The following NKAIN3 variants were observed in gnomAD, a reference collection of about 807,000 sequenced individuals.
NKAIN3 encodes sodium/potassium transporting ATPase interacting 3, also known as sodium/potassium-transporting ATPase subunit beta-1-interacting protein 3.
A neutral mutation model predicts 30.2 loss-of-function variants in NKAIN3; 25 were observed. That is an observed-to-expected ratio of 0.83 (90% CI 0.60 to 1.16). The LOEUF (loss-of-function observed/expected upper bound fraction) is 1.16, where lower values mean the gene tolerates loss of function less well. Ranked by LOEUF, NKAIN3 falls within the 50% of genes most tolerant of loss-of-function variation. The probability of loss-of-function intolerance (pLI) is 0.00; values close to 1 mark genes in which losing one functional copy is unlikely to be tolerated. For synonymous variants in NKAIN3, 91 were observed against 89.6 expected (o/e 1.02, Z -0.09); for missense variants, 225 against 254.1 (o/e 0.89, Z 0.78).
chr8:62,694,875 C>A (rs1472741115), intron 3 of NKAIN3, among the ~76,000 whole-genome samples: 1 of 152,214 alleles, frequency 6.6e-6, no homozygotes, highest in Admixed American at 6.5e-5. Flanking sequence ...ACCAAACTCT[C>A]TGGTCAATCC....
intron 1 of NKAIN3, among the ~76,000 whole-genome samples, chr8:62,406,328 A>T (rs778296256): frequency 1.3e-5 from 2 of 152,202 alleles, no homozygotes; most frequent in African/African-American, 2.4e-5. Context: ...AATATGAACT[A>T]TGTATGTAAG....
intron 1 of NKAIN3, among the ~76,000 whole-genome samples, chr8:62,506,246 T>C (rs1807634735): frequency 6.6e-6 from 1 of 151,332 alleles, no homozygotes; most frequent in Non-Finnish European, 1.5e-5. Flanking sequence ...GGGACATTAT[T>C]TCACCTGCCA....
At chr8:62,667,374 TAA>T (rs1385685821) in intron 3 of NKAIN3, among the ~76,000 whole-genome samples, 2 of 140,308 alleles carry the variant, frequency 1.4e-5, no homozygotes, top group South Asian at 2.2e-4. Flanking sequence ...TATATATATA[TAA>T]ATATATATAT....
chr8:62,887,466 C>T (rs532635168), intron 4 of NKAIN3, among the ~76,000 whole-genome samples: 1 of 152,146 alleles, frequency 6.6e-6, no homozygotes, highest in Non-Finnish European at 1.5e-5. Flanking sequence ...GCTCCTTTCT[C>T]TCTTTTTTCT....
chr8:62,484,197 G>T (rs35622860), intron 1 of NKAIN3, among the ~76,000 whole-genome samples: 15,844 of 152,060 alleles, frequency 0.1, 873 homozygotes, highest in East Asian at 0.13. Context: ...CTCATCTCTT[G>T]TCACCTCTCA....
intron 1 of NKAIN3, among the ~76,000 whole-genome samples, chr8:62,428,693 GTTAT>G (rs753192164): frequency 1.2e-4 from 18 of 151,922 alleles, no homozygotes; most frequent in Admixed American, 5.9e-4. Flanking sequence ...TTAAAATCAT[GTTAT>G]TTGTTTATTT....
chr8:62,731,262 C>CAG (rs1333198860), intron 3 of NKAIN3, among the ~76,000 whole-genome samples: 3 of 151,842 alleles, frequency 2.0e-5, no homozygotes, highest in Non-Finnish European at 4.4e-5. Flanking sequence ...CACACACACA[C>CAG]ACACACACAC....
At chr8:62,299,826 G>A (rs1813981967) in intron 1 of NKAIN3, among the ~76,000 whole-genome samples, 1 of 152,026 alleles carries the variant, frequency 6.6e-6, no homozygotes, top group Admixed American at 6.6e-5. Flanking sequence ...TATTTTTATT[G>A]CTTTTGTCAC....
At chr8:62,800,556 A>T (rs1818021552) in intron 4 of NKAIN3, among the ~76,000 whole-genome samples, 1 of 152,192 alleles carries the variant, frequency 6.6e-6, no homozygotes, top group African/African-American at 2.4e-5. Flanking sequence ...TGCACCTTCC[A>T]GGGATTTTCT....
At chr8:62,797,351 G>T (rs1232887048) in intron 4 of NKAIN3, among the ~76,000 whole-genome samples, 1 of 152,122 alleles carries the variant, frequency 6.6e-6, no homozygotes, top group Non-Finnish European at 1.5e-5. Context: ...TTAGCAGCAG[G>T]CACTTTTGGA....
chr8:62,589,639 T>C, intron 2 of NKAIN3, 75 bp from the exon 3 acceptor site: 1 of 627,408 alleles, frequency 1.6e-6, no homozygotes, highest in Non-Finnish European at 2.9e-6. Flanking sequence ...ACATTTTTAT[T>C]ATTGATTTAT....
rs577864817 is a variant in NKAIN3, at chr8:62,506,210, G to A, written c.55-73329G>A. Among the ~76,000 whole-genome samples, 6 of 130,200 alleles carry A rather than the reference G, an allele frequency of 4.6e-5. No individual in the cohort carries two copies. The East Asian group carries it at 1.5e-3, about 33-fold the overall frequency. The allele number at this position is 130,200 out of a possible 152,430, so 85.4% of individuals were successfully genotyped here. ...CATATAATATATTTACAGGTTTCAGGGATCCATATGAGAATATTGGGGGGG... is the reference window on the plus strand; with the variant it reads ...CATATAATATATTTACAGGTTTCAGAGATCCATATGAGAATATTGGGGGGG... On this transcript the variant is annotated intron_variant, in intron 1 of 6. Coordinates refer to ENST00000623646, the MANE Select transcript of NKAIN3 (RefSeq NM_001304533.3).
At chr8:62,676,228 T>A (rs1813470715) in intron 3 of NKAIN3, among the ~76,000 whole-genome samples, 1 of 152,206 alleles carries the variant, frequency 6.6e-6, no homozygotes, top group African/African-American at 2.4e-5. Context: ...CAGATCTGTC[T>A]GACTCCAAAG....
intron 4 of NKAIN3, among the ~76,000 whole-genome samples, chr8:62,797,257 G>T (rs1013052030): frequency 1.3e-5 from 2 of 152,148 alleles, no homozygotes; most frequent in East Asian, 1.9e-4. Flanking sequence ...GGGCTCTCTT[G>T]TTCACCCAAA....
chr8:62,458,536 T>G (rs1252921641), intron 1 of NKAIN3, among the ~76,000 whole-genome samples: 2 of 152,206 alleles, frequency 1.3e-5, no homozygotes, highest in African/African-American at 4.8e-5. Flanking sequence ...TGTGAAGGCC[T>G]GGAAGAATGC....
intron 6 of NKAIN3, among the ~76,000 whole-genome samples, chr8:62,963,501 C>T (rs182124381): frequency 6.6e-6 from 1 of 152,314 alleles, no homozygotes; most frequent in East Asian, 1.9e-4. Flanking sequence ...CAAACCCTCA[C>T]TGACACTACT....
At chr8:62,258,611 A>T (rs1170735336) in intron 1 of NKAIN3, among the ~76,000 whole-genome samples, 1 of 152,120 alleles carries the variant, frequency 6.6e-6, no homozygotes, top group East Asian at 1.9e-4. Context: ...AGTGAGCCTT[A>T]ATGGTGCCAC....
intron 5 of NKAIN3, among the ~76,000 whole-genome samples, chr8:62,935,032 C>A (rs966373356): frequency 1.3e-5 from 2 of 152,086 alleles, no homozygotes; most frequent in African/African-American, 4.8e-5. Context: ...TCCTAAGAGA[C>A]CTTTATGCAG....
chr8:62,881,426 T>C (rs1161887937), intron 4 of NKAIN3, among the ~76,000 whole-genome samples: 1 of 152,208 alleles, frequency 6.6e-6, no homozygotes, highest in African/African-American at 2.4e-5. Context: ...TAATGTGCAC[T>C]TAAGTTTCCT....
Sources: gnomAD v4.1 joint callset for allele counts (sites outside exome capture counted in the v4.1 genomes callset) on GRCh38, gnomAD v4.1.1 for gene constraint, MANE v1.5 for transcripts, NCBI Gene and HGNC (gene_info 2026-07-23, HGNC 2026-07-21) for gene names.